The following ANGPTL3 variants were observed in gnomAD, a reference collection of about 807,000 sequenced individuals.
The protein encoded by ANGPTL3 is angiopoietin like 3.
In ANGPTL3, 51 loss-of-function variants were observed where a neutral mutation model predicts 52.7. The observed-to-expected ratio is 0.97, with a 90% confidence interval of 0.77 to 1.22. The LOEUF is 1.22. Among genes scored for constraint, ANGPTL3 ranks in the 50% most tolerant of loss-of-function variants. The pLI is 0.00. For synonymous variants in ANGPTL3, 185 were observed against 179.8 expected, an observed-to-expected ratio of 1.03 and a Z score of -0.23; for missense variants, 506 against 520.7, an observed-to-expected ratio of 0.97 and a Z score of 0.27.
intron 2 of ANGPTL3, among the ~76,000 whole-genome samples, chr1:62,599,363 C>T (rs1334816207): frequency 6.6e-6 from 1 of 151,902 alleles, no homozygotes; most frequent in African/African-American, 2.4e-5. Context: ...CTGGTATCTA[C>T]GTGGCCCACT....
In ANGPTL3 at chr1:62,603,951, T is replaced by C. The variant is rs1362653602; in HGVS notation, c.932-18T>C. Reference sequence around the variant, plus strand: ...CTGTACTTAATAACTCACAGATTTTTAAAACTTTTCTTTTCAGGAGAATTT... The same window carrying C: ...CTGTACTTAATAACTCACAGATTTTCAAAACTTTTCTTTTCAGGAGAATTT... On this transcript the variant is annotated intron_variant, in intron 5 of 6. Coordinates refer to ENST00000371129, the MANE Select transcript of ANGPTL3 (RefSeq NM_014495.4). 1 of 1,611,292 alleles carries C rather than the reference T, an allele frequency of 6.2e-7. No homozygotes were observed. Among genetic ancestry groups the C allele is most frequent in the East Asian group, 2.2e-5 (1 of 44,828 alleles).
At chr1:62,602,251 A>G in intron 4 of ANGPTL3, 34 bp from the exon 5 acceptor site, 1 of 1,518,360 alleles carries the variant, frequency 6.6e-7, no homozygotes, top group Non-Finnish European at 9.1e-7. Context: ...ACATAAATCT[A>G]CTAAAAATAC....
Position 62,597,541 on chromosome 1 carries a change from GCT to G in ANGPTL3, c.-25_-24del. The G allele has an allele frequency of 6.2e-7, 1 of 1,611,262 alleles. No individual in the cohort carries two copies. Among genetic ancestry groups the G allele is most frequent in the Non-Finnish European group, 8.5e-7 (1 of 1,178,580 alleles). On this transcript the variant is annotated 5_prime_UTR_variant, in exon 1 of 7. Coordinates refer to ENST00000371129, the MANE Select transcript of ANGPTL3 (RefSeq NM_014495.4). ...TTCCAGAAGAAAACAGTTCCACGTT[GCT>G]TGAAATTGAAAATCAAGATAAAAAT...
At chr1:62,601,662 A>G in intron 3 of ANGPTL3, 107 bp from the exon 4 acceptor site, 1 of 770,126 alleles carries the variant, frequency 1.3e-6, no homozygotes, top group Non-Finnish European at 2.2e-6. Context: ...ATTACTGAAA[A>G]AATGCTACAT....
In ANGPTL3 at chr1:62,598,676, AACCT is replaced by A. The variant is rs558543283; in HGVS notation, c.496-17_496-14del. 3.2e-4 allele frequency: 453 copies of A among 1,416,674 alleles called. 1 individual carries two copies. In the African/African-American group the frequency reaches 6.0e-3, roughly 19 times the overall value. 87.8% of individuals were successfully genotyped at this position (1,416,674 alleles called of 1,614,324 possible). On this transcript the variant is annotated splice_polypyrimidine_tract_variant and intron_variant, in intron 1 of 6. Transcript: ENST00000371129. Reference sequence around the variant, plus strand: ...AGAAAGAGGAAAGCAACTTATAACCAACCTACTCTCTATATCCAGACTTTTGTAG... The same window carrying A: ...AGAAAGAGGAAAGCAACTTATAACCAACTCTCTATATCCAGACTTTTGTAG...
rs771277525 is a variant in ANGPTL3 at position 62,605,741 on chromosome 1, T to C, written c.*924T>C. 6.6e-6 allele frequency: 1 copy of C among 152,366 alleles called. No homozygotes were observed. The highest frequency in any genetic ancestry group is 1.5e-5 in the Non-Finnish European group (1 of 67,902). 9.4% of individuals were successfully genotyped at this position (152,366 alleles called of 1,614,324 possible). A position where few individuals can be genotyped will look rare whatever the true frequency, so the allele number is the denominator to read the frequency against. ...GAACGTTTAAACAGCCTGACAAGCA[T>C]GTATATATGTTTAAAATTCAATAAA... On this transcript the variant is annotated 3_prime_UTR_variant, in exon 7 of 7. Transcript: ENST00000371129.
chr1:62,604,685 T>A lies in ANGPTL3; in HGVS notation c.1251T>A (p.Tyr417Ter). Residue 417 changes from tyrosine (Y) to a stop codon, truncating the protein, a stop_gained, in exon 7 of 7, where the codon TAT (tyrosine) becomes TAA (stop). Transcript: ENST00000371129. LOFTEE classifies it high-confidence loss of function. ...GAGAAAACAACCTAAATGGTAAATA[T>A]AACAAACCAAGAGCAAAATCTAAGC... ...ECGENNLNGKYNKPRAKSKPE... is the reference protein window; with the variant it reads ...ECGENNLNGK 1 of 1,613,124 alleles carries A rather than the reference T, an allele frequency of 6.2e-7. No individual in the cohort carries two copies. The highest frequency in any genetic ancestry group is 1.7e-5 in the Admixed American group (1 of 59,942).
At position 62,605,061 on chromosome 1, in the gene ANGPTL3, T is replaced by C. The variant is rs1356610885; in HGVS notation, c.*244T>C. Reference sequence around the variant, plus strand: ...AATTTTGTGATGTGGGAATCAATTTTAGATGGTCACAATCTAGATTATAAT... The same window carrying C: ...AATTTTGTGATGTGGGAATCAATTTCAGATGGTCACAATCTAGATTATAAT... On this transcript the variant is annotated 3_prime_UTR_variant, in exon 7 of 7. Transcript: ENST00000371129. 2.3e-5 allele frequency: 10 copies of C among 429,810 alleles called. No individual in the cohort carries two copies. The highest frequency in any genetic ancestry group is 4.2e-5 in the Non-Finnish European group (10 of 237,998). 26.6% of individuals were successfully genotyped at this position (429,810 alleles called of 1,614,324 possible). A position where few individuals can be genotyped will look rare whatever the true frequency, so the allele number is the denominator to read the frequency against.
intron 6 of ANGPTL3, 172 bp downstream of exon 6, chr1:62,604,407 G>T: frequency 1.1e-6 from 1 of 909,176 alleles, no homozygotes; most frequent in Non-Finnish European, 1.6e-6. Context: ...GTTCAATCAG[G>T]TATTTTACCT....
chr1:62,599,856 T>C (rs972705894), intron 2 of ANGPTL3, among the ~76,000 whole-genome samples: 4 of 147,780 alleles, frequency 2.7e-5, no homozygotes, highest in Non-Finnish European at 6.2e-5. Context: ...AAAAAAGCTA[T>C]GTCAGAATCC....
intron 3 of ANGPTL3, among the ~76,000 whole-genome samples, chr1:62,601,471 C>T (rs866376190): frequency 2.9e-4 from 44 of 151,578 alleles, no homozygotes; most frequent in African/African-American, 1.0e-3. Context: ...AGAACAATCT[C>T]CTGTTTAAGA....
intron 2 of ANGPTL3, among the ~76,000 whole-genome samples, chr1:62,600,470 TCTTA>T (rs1260473730): frequency 1.3e-5 from 2 of 151,828 alleles, no homozygotes; most frequent in African/African-American, 4.8e-5. Context: ...ATTCTGCTTT[TCTTA>T]CTGTCAATGA....
At chr1:62,601,985 A>T in intron 4 of ANGPTL3, 103 bp downstream of exon 4, 1 of 686,134 alleles carries the variant, frequency 1.5e-6, no homozygotes, top group Non-Finnish European at 2.6e-6. Flanking sequence ...ATATATATGA[A>T]ATATATATGA....
At chr1:62,599,852 GCTA>G (rs552995456) in intron 2 of ANGPTL3, among the ~76,000 whole-genome samples, 2,132 of 151,968 alleles carry the variant, frequency 0.014, 29 homozygotes, top group Non-Finnish European at 0.024. Context: ...TTAGAAAAAA[GCTA>G]TGTCAGAATC....
Position 62,605,218 on chromosome 1 carries a change from T to C in ANGPTL3, c.*401T>C, listed in dbSNP as rs1650809279. Reference sequence around the variant, plus strand: ...TAGTACTCTTGTTAAAACTCTAAACTTGACTAAATACAGAGGACTGGTAAT... The same window carrying C: ...TAGTACTCTTGTTAAAACTCTAAACCTGACTAAATACAGAGGACTGGTAAT... On this transcript the variant is annotated 3_prime_UTR_variant, in exon 7 of 7. Coordinates refer to ENST00000371129, the MANE Select transcript of ANGPTL3 (RefSeq NM_014495.4). 5.3e-6 allele frequency: 1 copy of C among 187,822 alleles called. No homozygotes were observed. The highest frequency in any genetic ancestry group is 1.1e-4 in the South Asian group (1 of 9,318). 11.6% of individuals were successfully genotyped at this position (187,822 alleles called of 1,614,324 possible). A position where few individuals can be genotyped will look rare whatever the true frequency, so the allele number is the denominator to read the frequency against.
Position 62,598,762 on chromosome 1 carries a change from CAATT to C in ANGPTL3, c.565_568del (p.Leu189ThrfsTer7). ...CCAGACCGTGGAAGACCAATATAAA[CAATT>C]AAACCAACAGCATAGTCAAATAAAA... On this transcript the variant is annotated frameshift_variant, in exon 2 of 7. Coordinates refer to ENST00000371129, the MANE Select transcript of ANGPTL3 (RefSeq NM_014495.4). LOFTEE classifies it high-confidence loss of function. The C allele has an allele frequency of 6.2e-7, 1 of 1,610,274 alleles. No homozygotes were observed. Among genetic ancestry groups the C allele is most frequent in the Non-Finnish European group, 8.5e-7 (1 of 1,177,084 alleles).
Position 62,601,804 on chromosome 1 carries a change from G to T in ANGPTL3, c.757G>T (p.Gly253Cys), listed in dbSNP as rs141967457. The change falls in exon 4 of 7, where the codon GGT becomes TGT. Residue 253 changes from glycine to cysteine, a missense_variant. Physicochemically the swap from Gly to Cys is radical, Grantham distance 159. Transcript: ENST00000371129. ...PAECTTIYNR[G>C]EHTSGMYAIR... is the part of the protein sequence containing the mutation. ...TGAATGTACCACCATTTATAACAGA[G>T]GTGAACATACAAGTGGCATGTATGC... 310 of 1,609,618 alleles carry T rather than the reference G, an allele frequency of 1.9e-4. No homozygotes were observed. Among genetic ancestry groups the T allele is most frequent in the Non-Finnish European group, 2.5e-4 (290 of 1,177,072 alleles).
At position 62,604,158 on chromosome 1, in the gene ANGPTL3, C is replaced by A. The variant is rs377241107; in HGVS notation, c.1121C>A (p.Pro374Gln). 6 of 1,613,064 alleles carry A rather than the reference C, an allele frequency of 3.7e-6. No homozygotes were observed. Among genetic ancestry groups the A allele is most frequent in the Non-Finnish European group, 5.1e-6 (6 of 1,179,426 alleles). The change falls in exon 6 of 7, where the codon CCG becomes CAG. Residue 374 changes from proline (P) to glutamine (Q), a missense_variant. Coordinates refer to ENST00000371129, the MANE Select transcript of ANGPTL3 (RefSeq NM_014495.4). ...AITGNVPNAI[P>Q]ENKDLVFSTW... The stretch of plus-strand genomic sequence containing the variant: ...ACTGGCAATGTCCCCAATGCAATCC[C>A]GGAAAACAAAGATTTGGTGTTTTCT...
chr1:62,597,651 C>CT lies in ANGPTL3; in HGVS notation c.86dup (p.Ser30IlefsTer29), dbSNP rs1557775870. 6.2e-7 allele frequency: 1 copy of CT among 1,613,390 alleles called. No homozygotes were observed. The highest frequency in any genetic ancestry group is 8.5e-7 in the Non-Finnish European group (1 of 1,179,620). ...TCAAGACAATTCATCATTTGATTCT[C>CT]TATCTCCAGAGCCAAAATCAAGATT... On this transcript the variant is annotated frameshift_variant, in exon 1 of 7. Coordinates refer to ENST00000371129, the MANE Select transcript of ANGPTL3 (RefSeq NM_014495.4). LOFTEE classifies it high-confidence loss of function.
Sources: allele counts gnomAD v4.1 joint callset (sites outside exome capture counted in the v4.1 genomes callset), GRCh38; gene constraint gnomAD v4.1.1; transcripts MANE v1.5; gene names NCBI Gene and HGNC (gene_info 2026-07-23, HGNC 2026-07-21).